CDH12: variants seen among roughly 807,000 people sequenced by gnomAD.
CDH12 encodes cadherin 12.
In CDH12, 41 loss-of-function variants were observed where a neutral mutation model predicts 74.1. The observed-to-expected ratio is 0.55, with a 90% CI of 0.43 to 0.72. CDH12 has a LOEUF of 0.72. CDH12 is among the 30% of genes least tolerant of loss of function. The pLI is 0.00. For synonymous variants in CDH12, 399 were observed against 355.0 expected (o/e 1.12, Z -1.39); for missense variants, 945 against 977.2 (o/e 0.97, Z 0.44).
chr5:22,483,324 A>G (rs922299152), intron 2 of CDH12, among the ~76,000 whole-genome samples: 10 of 152,068 alleles, frequency 6.6e-5, no homozygotes, highest in Non-Finnish European at 1.0e-4. Context: ...GAAAACTACA[A>G]TATATATGAA....
chr5:21,832,859 TA>T (rs1168660746), intron 8 of CDH12, among the ~76,000 whole-genome samples: 3 of 29,640 alleles, frequency 1.0e-4, no homozygotes, highest in African/African-American at 3.7e-4. Context: ...ATATATGATA[TA>T]TATCATATGA....
At chr5:22,155,999 C>G (rs1275604979) in intron 4 of CDH12, among the ~76,000 whole-genome samples, 1 of 152,158 alleles carries the variant, frequency 6.6e-6, no homozygotes, top group Non-Finnish European at 1.5e-5. Context: ...AGTCCCTGCA[C>G]AAATGTACCC....
chr5:22,175,141 T>C (rs1362469685), intron 4 of CDH12, among the ~76,000 whole-genome samples: 2 of 152,112 alleles, frequency 1.3e-5, no homozygotes, highest in Non-Finnish European at 2.9e-5. Flanking sequence ...GAAATGCTTT[T>C]ACTTTGTGAA....
At chr5:22,293,786 A>G (rs1378275624) in intron 3 of CDH12, among the ~76,000 whole-genome samples, 1 of 152,316 alleles carries the variant, frequency 6.6e-6, no homozygotes, top group East Asian at 1.9e-4. Flanking sequence ...ATCTAAAAAC[A>G]TAATTGATCT....
chr5:21,829,714 T>G (rs1034580598), intron 8 of CDH12, among the ~76,000 whole-genome samples: 9 of 152,214 alleles, frequency 5.9e-5, no homozygotes, highest in Non-Finnish European at 1.0e-4. Flanking sequence ...GACTAAAGAT[T>G]GCCGCTGCTG....
At chr5:22,190,469 C>T (rs1750213700) in intron 4 of CDH12, among the ~76,000 whole-genome samples, 1 of 151,798 alleles carries the variant, frequency 6.6e-6, no homozygotes, top group Non-Finnish European at 1.5e-5. Context: ...GAACTGTGAC[C>T]TATATTTTAA....
chr5:22,712,151 A>G (rs967088715), intron 1 of CDH12, among the ~76,000 whole-genome samples: 1 of 152,000 alleles, frequency 6.6e-6, no homozygotes, highest in African/African-American at 2.4e-5. Context: ...TCACATTGTT[A>G]TACCTGTAAC....
intron 1 of CDH12, among the ~76,000 whole-genome samples, chr5:22,768,384 A>G (rs1241759497): frequency 6.6e-6 from 1 of 152,088 alleles, no homozygotes; most frequent in African/African-American, 2.4e-5. Flanking sequence ...AGAGTTTATT[A>G]TATTCCAGGA....
intron 4 of CDH12, among the ~76,000 whole-genome samples, chr5:22,187,836 G>C (rs1341067539): frequency 6.6e-6 from 1 of 152,130 alleles, no homozygotes; most frequent in Non-Finnish European, 1.5e-5. Context: ...AAGTATACAC[G>C]CGCTGTTCAT....
At chr5:22,565,322 A>T (rs973015286) in intron 1 of CDH12, among the ~76,000 whole-genome samples, 1 of 152,162 alleles carries the variant, frequency 6.6e-6, no homozygotes, top group Admixed American at 6.5e-5. Context: ...GAATCTCCAT[A>T]GTCTTCTCCA....
intron 2 of CDH12, among the ~76,000 whole-genome samples, chr5:22,416,299 TCTCCTGAC>T: frequency 6.6e-6 from 1 of 151,662 alleles, no homozygotes; most frequent in Non-Finnish European, 1.5e-5. Flanking sequence ...ATGGTCTCGA[TCTCCTGAC>T]CTCGTGATCC....
rs1223226162 is a variant in CDH12 at position 22,764,761 on chromosome 5, C to T, written c.-523+88297G>A. On this transcript the variant is annotated intron_variant, in intron 1 of 14. Coordinates refer to ENST00000382254, the MANE Select transcript of CDH12 (RefSeq NM_004061.5). ...GGCATTCCTGCGCAAAATGACTAAC[C>T]TGAATCTAGTCATGAGAAACTGAGA... is the stretch of plus-strand genomic sequence containing the variant. Among the ~76,000 whole-genome samples the T allele has an allele frequency of 2.0e-5, 3 of 151,982 alleles. No individual in the cohort carries two copies. In the East Asian group the frequency reaches 5.8e-4, roughly 29 times the overall value.
At chr5:21,960,109 T>TGACAGTCATA (rs1283620602) in intron 6 of CDH12, among the ~76,000 whole-genome samples, 178 of 152,196 alleles carry the variant, frequency 1.2e-3, no homozygotes, top group African/African-American at 4.1e-3. Flanking sequence ...AACACACCAC[T>TGACAGTCATA]GACAGTCATA....
At position 21,963,093 on chromosome 5, in the gene CDH12, C is replaced by T. The variant is rs1316457651; in HGVS notation, c.526+11998G>A. 6.6e-5 allele frequency among the ~76,000 whole-genome samples: 10 copies of T among 150,854 alleles called. No homozygotes were observed. In the East Asian group the frequency reaches 1.2e-3, roughly 18 times the overall value. On this transcript the variant is annotated intron_variant, in intron 6 of 14. Coordinates refer to ENST00000382254, the MANE Select transcript of CDH12 (RefSeq NM_004061.5). Reference sequence around the variant, plus strand: ...GCAACTTTAAGCTATTTACAAATATCGATAGATAGATAGATAGATAGATAG... The same window carrying T: ...GCAACTTTAAGCTATTTACAAATATTGATAGATAGATAGATAGATAGATAG...
chr5:21,939,232 A>G (rs1230736323), intron 6 of CDH12, among the ~76,000 whole-genome samples: 1 of 129,178 alleles, frequency 7.7e-6, no homozygotes, highest in East Asian at 2.0e-4. Flanking sequence ...ATATATATAA[A>G]ATTATCAAAA....
chr5:22,443,747 G>C (rs2126546396), intron 2 of CDH12, among the ~76,000 whole-genome samples: 1 of 152,224 alleles, frequency 6.6e-6, no homozygotes, highest in South Asian at 2.1e-4. Context: ...TAATTACAAA[G>C]TAAGGGGTAT....
chr5:21,982,870 A>AT (rs569024482), intron 5 of CDH12, among the ~76,000 whole-genome samples: 10 of 151,530 alleles, frequency 6.6e-5, no homozygotes, highest in South Asian at 2.1e-4. Flanking sequence ...TTGCATATGG[A>AT]TTTTTTTTCC....
intron 1 of CDH12, among the ~76,000 whole-genome samples, chr5:22,548,008 A>G (rs1561483426): frequency 6.6e-6 from 1 of 152,198 alleles, no homozygotes; most frequent in Non-Finnish European, 1.5e-5. Flanking sequence ...CTGTTAATCA[A>G]TTTGTACAAT....
chr5:22,772,967 A>G (rs781003414), intron 1 of CDH12, among the ~76,000 whole-genome samples: 26 of 152,242 alleles, frequency 1.7e-4, no homozygotes, highest in Admixed American at 3.9e-4. Context: ...AGATCTCTAC[A>G]AGGAGAACTA....
Sources: gnomAD v4.1 joint callset for allele counts (sites outside exome capture counted in the v4.1 genomes callset) on GRCh38, gnomAD v4.1.1 for gene constraint, MANE v1.5 for transcripts, NCBI Gene and HGNC (gene_info 2026-07-23, HGNC 2026-07-21) for gene names.